The following MLLT3 variants were observed in gnomAD, a reference collection of about 807,000 sequenced individuals.
The protein encoded by MLLT3 is MLLT3 super elongation complex subunit, also known as protein AF-9.
Under a neutral mutation model 53.2 loss-of-function variants are expected in MLLT3, and 4 were observed. That is an observed-to-expected ratio of 0.08 (90% CI 0.04 to 0.17). MLLT3 has a LOEUF of 0.17. Among genes scored for constraint, MLLT3 ranks in the 10% least tolerant of loss-of-function variants. The probability of loss-of-function intolerance (pLI) is 1.00; values close to 1 mark genes in which losing one functional copy is unlikely to be tolerated. For missense variants in MLLT3, 569 were observed against 684.0 expected (o/e 0.83, Z 1.87); for synonymous variants, 283 against 230.6 (o/e 1.23, Z -2.06).
At chr9:20,588,083 A>G (rs1369135749) in intron 2 of MLLT3, among the ~76,000 whole-genome samples, 2 of 151,922 alleles carry the variant, frequency 1.3e-5, no homozygotes, top group Non-Finnish European at 2.9e-5. Context: ...TCCCAGCACC[A>G]TTTATTAAAT....
chr9:20,476,984 C>CCATGCTATAAA (rs1824537174), intron 2 of MLLT3, among the ~76,000 whole-genome samples: 3 of 152,088 alleles, frequency 2.0e-5, no homozygotes, highest in South Asian at 4.1e-4. Flanking sequence ...GTTTTTTCCA[C>CCATGCTATAAA]CATGCTATAA....
chr9:20,454,232 AGTG>A (rs1823905380), intron 3 of MLLT3, among the ~76,000 whole-genome samples: 1 of 149,322 alleles, frequency 6.7e-6, no homozygotes, highest in Non-Finnish European at 1.5e-5. Context: ...AGAAGACTGA[AGTG>A]TGTGTGTGTG....
At chr9:20,596,594 G>A (rs775797285) in intron 2 of MLLT3, among the ~76,000 whole-genome samples, 3 of 152,204 alleles carry the variant, frequency 2.0e-5, no homozygotes, top group Non-Finnish European at 4.4e-5. Flanking sequence ...GAGAGGCTGA[G>A]GCATGAGAAT....
At chr9:20,518,616 G>A (rs1817976066) in intron 2 of MLLT3, among the ~76,000 whole-genome samples, 1 of 152,100 alleles carries the variant, frequency 6.6e-6, no homozygotes. Context: ...GATCCTAACA[G>A]ATACCACCTT....
intron 4 of MLLT3, among the ~76,000 whole-genome samples, chr9:20,422,416 A>T (rs1823032161): frequency 6.6e-6 from 1 of 152,224 alleles, no homozygotes; most frequent in Non-Finnish European, 1.5e-5. Flanking sequence ...GTTTTACAAA[A>T]CTAAAGAATT....
chr9:20,580,918 G>A (rs2131174181), intron 2 of MLLT3, among the ~76,000 whole-genome samples: 1 of 152,312 alleles, frequency 6.6e-6, no homozygotes, highest in East Asian at 1.9e-4. Flanking sequence ...AAAAGCCTCT[G>A]TCAACATATT....
At chr9:20,595,850 A>T (rs1443829463) in intron 2 of MLLT3, among the ~76,000 whole-genome samples, 1 of 152,208 alleles carries the variant, frequency 6.6e-6, no homozygotes, top group Non-Finnish European at 1.5e-5. Flanking sequence ...CTGTAAAAAG[A>T]AGTCCGGGAA....
Position 20,345,946 on chromosome 9 carries a change from T to G in MLLT3, c.*497A>C. The G allele has an allele frequency of 4.3e-6, 1 of 232,762 alleles. No individual in the cohort carries two copies. Among genetic ancestry groups the G allele is most frequent in the East Asian group, 6.1e-5 (1 of 16,390 alleles). 14.4% of individuals were successfully genotyped at this position (232,762 alleles called of 1,614,324 possible). On this transcript the variant is annotated 3_prime_UTR_variant, in exon 11 of 11. Coordinates refer to ENST00000380338, the MANE Select transcript of MLLT3 (RefSeq NM_004529.4). The stretch of plus-strand genomic sequence containing the variant: ...ACTGGGCTTGGGATGGCAAGGGTGC[T>G]GCATTGAAAGAGCATCCACGGGACC...
chr9:20,528,291 T>C (rs779071593), intron 2 of MLLT3, among the ~76,000 whole-genome samples: 1 of 152,268 alleles, frequency 6.6e-6, no homozygotes, highest in Non-Finnish European at 1.5e-5. Flanking sequence ...TTTCAACTTA[T>C]TTTTATAAAA....
At chr9:20,469,271 G>A (rs1824311451) in intron 2 of MLLT3, among the ~76,000 whole-genome samples, 1 of 151,966 alleles carries the variant, frequency 6.6e-6, no homozygotes, top group South Asian at 2.1e-4. Context: ...GAACATACCT[G>A]GCAGCATTTA....
chr9:20,355,014 AT>A, intron 8 of MLLT3, 135 bp from the exon 9 acceptor site: 1 of 466,056 alleles, frequency 2.1e-6, no homozygotes, highest in Non-Finnish European at 3.8e-6. Flanking sequence ...TTTTCTATAC[AT>A]TTTCCTTCTT....
chr9:20,586,863 T>A (rs1563831489), intron 2 of MLLT3, among the ~76,000 whole-genome samples: 1 of 152,048 alleles, frequency 6.6e-6, no homozygotes, highest in Non-Finnish European at 1.5e-5. Context: ...AAAGAACTAT[T>A]CCTAGTATAA....
chr9:20,474,560 G>A (rs1586977281), intron 2 of MLLT3, among the ~76,000 whole-genome samples: 1 of 151,870 alleles, frequency 6.6e-6, no homozygotes, highest in South Asian at 2.1e-4. Flanking sequence ...GCCTTCATTC[G>A]GCGGAGACCC....
intron 2 of MLLT3, among the ~76,000 whole-genome samples, chr9:20,499,655 C>T (rs543162312): frequency 5.9e-5 from 9 of 152,356 alleles, no homozygotes; most frequent in African/African-American, 2.2e-4. Flanking sequence ...CCTTGCAATA[C>T]AATCAGCTCA....
At chr9:20,346,684 A>G in intron 10 of MLLT3, 110 bp from the exon 11 acceptor site, 1 of 1,050,862 alleles carries the variant, frequency 9.5e-7, no homozygotes, top group Non-Finnish European at 1.4e-6. Context: ...AAATATTCGT[A>G]TTTATAGCAA....
Position 20,447,579 on chromosome 9 carries a change from G to C in MLLT3, c.420+544C>G, listed in dbSNP as rs1029387706. 2.0e-5 allele frequency among the ~76,000 whole-genome samples: 3 copies of C among 152,244 alleles called. No individual in the cohort carries two copies. The Middle Eastern group carries it at 0.01, about 518-fold the overall frequency. ...TACTAGTCAAATCACAAGGGCAAAA[G>C]TTTACAACACTTTTGCTACCATTAC... On this transcript the variant is annotated intron_variant, in intron 4 of 10. Coordinates refer to ENST00000380338, the MANE Select transcript of MLLT3 (RefSeq NM_004529.4).
At chr9:20,471,918 G>C (rs1366832992) in intron 2 of MLLT3, among the ~76,000 whole-genome samples, 1 of 151,156 alleles carries the variant, frequency 6.6e-6, no homozygotes, top group African/African-American at 2.4e-5. Flanking sequence ...CTGTTTCTTA[G>C]CTAAGAAATA....
At chr9:20,575,511 A>C (rs1819631107) in intron 2 of MLLT3, among the ~76,000 whole-genome samples, 1 of 152,218 alleles carries the variant, frequency 6.6e-6, no homozygotes. Context: ...AATTTCTTAA[A>C]TAACAAAACT....
chr9:20,429,838 C>T (rs1823223978), intron 4 of MLLT3, among the ~76,000 whole-genome samples: 2 of 152,150 alleles, frequency 1.3e-5, no homozygotes, highest in African/African-American at 4.8e-5. Context: ...ATGGAGACAA[C>T]CTTCTAAATA....
Sources: gnomAD v4.1 joint callset for allele counts (sites outside exome capture counted in the v4.1 genomes callset) on GRCh38, gnomAD v4.1.1 for gene constraint, MANE v1.5 for transcripts, NCBI Gene and HGNC (gene_info 2026-07-23, HGNC 2026-07-21) for gene names.